Variants in ANXA2 observed in about 807,000 individuals in gnomAD.
ANXA2 encodes annexin A2.
In ANXA2, 28 loss-of-function variants were observed where a neutral mutation model predicts 47.3. The ratio of observed to expected loss-of-function variants is 0.59; its 90% CI spans 0.44 to 0.81. The LOEUF (loss-of-function observed/expected upper bound fraction) is 0.81. Among genes scored for constraint, ANXA2 ranks in the 40% least tolerant of loss-of-function variants. ANXA2 has a pLI of 0.00. For synonymous variants in ANXA2, 172 were observed against 155.5 expected (o/e 1.11, Z -0.79); for missense variants, 384 against 414.3 (o/e 0.93, Z 0.64).
At chr15:60,353,181 C>G (rs1469718403) in intron 8 of ANXA2, among the ~76,000 whole-genome samples, 1 of 152,170 alleles carries the variant, frequency 6.6e-6, no homozygotes, top group Non-Finnish European at 1.5e-5. Flanking sequence ...TTTTCTGCAG[C>G]TTTTATGACT....
intron 3 of ANXA2, among the ~76,000 whole-genome samples, chr15:60,381,747 C>G (rs1234540631): frequency 1.3e-5 from 2 of 151,980 alleles, no homozygotes; most frequent in African/African-American, 2.4e-5. Context: ...CTCTCTAGAT[C>G]AATCTAAGAG....
intron 5 of ANXA2, among the ~76,000 whole-genome samples, chr15:60,360,441 T>G (rs1329063418): frequency 1.3e-5 from 2 of 152,202 alleles, no homozygotes; most frequent in African/African-American, 4.8e-5. Context: ...CAGGTACGAT[T>G]CAGGTACGAT....
At chr15:60,379,148 GCACA>G (rs2062820785) in intron 3 of ANXA2, among the ~76,000 whole-genome samples, 1 of 149,942 alleles carries the variant, frequency 6.7e-6, no homozygotes, top group Non-Finnish European at 1.5e-5. Context: ...GTGTGGTGGC[GCACA>G]CCTGTAATCC....
Position 60,390,555 on chromosome 15 carries a change from A to C in ANXA2, c.-11-4469T>G. 27 of 448,644 alleles carry C rather than the reference A, an allele frequency of 6.0e-5. 1 individual carries two copies. Among genetic ancestry groups the C allele is most frequent in the South Asian group, 4.6e-4 (26 of 56,768 alleles). The allele number at this position is 448,644 out of a possible 1,614,324, so 27.8% of individuals were successfully genotyped here. On this transcript the variant is annotated intron_variant, in intron 1 of 12. Coordinates refer to ENST00000451270, the MANE Select transcript of ANXA2 (RefSeq NM_004039.3). ...TGGAAAACGGGTAAAATTACAAAGG[A>C]GGTTGTGCTGAGGCTTGAGTGTGCT... is the stretch of plus-strand genomic sequence containing the variant.
intron 3 of ANXA2, among the ~76,000 whole-genome samples, chr15:60,376,374 C>A (rs1386359451): frequency 6.6e-6 from 1 of 150,928 alleles, no homozygotes; most frequent in Non-Finnish European, 1.5e-5. Context: ...GAGCAAAACT[C>A]TGTCTCAAAA....
intron 5 of ANXA2, among the ~76,000 whole-genome samples, chr15:60,360,489 T>C (rs1250009633): frequency 1.3e-5 from 2 of 152,216 alleles, no homozygotes; most frequent in Non-Finnish European, 2.9e-5. Context: ...CACTATGATG[T>C]TCTGATTCTG....
intron 3 of ANXA2, among the ~76,000 whole-genome samples, chr15:60,367,934 G>A (rs1048852763): frequency 2.8e-5 from 2 of 72,566 alleles, no homozygotes; most frequent in Non-Finnish European, 2.7e-5. Context: ...GATAGAAGTA[G>A]ACATGGGAGA....
chr15:60,369,444 A>G (rs780289751), intron 3 of ANXA2, among the ~76,000 whole-genome samples: 1 of 152,246 alleles, frequency 6.6e-6, no homozygotes, highest in Admixed American at 6.5e-5. Flanking sequence ...ATACAATTCT[A>G]TCCTCTAACC....
intron 1 of ANXA2, among the ~76,000 whole-genome samples, chr15:60,388,085 G>A (rs546275212): frequency 1.3e-5 from 2 of 152,130 alleles, no homozygotes; most frequent in African/African-American, 4.8e-5. Context: ...CTACTCGGGA[G>A]GCTGAGACAG....
chr15:60,363,014 A>G (rs1288101027), intron 4 of ANXA2: 1 of 117,688 alleles, frequency 8.5e-6, no homozygotes, highest in African/African-American at 3.2e-5. Context: ...TGGGTGACAG[A>G]GCAAGACCCT....
chr15:60,396,943 T>C (rs1404760117), intron 1 of ANXA2, among the ~76,000 whole-genome samples: 1 of 152,242 alleles, frequency 6.6e-6, no homozygotes, highest in Non-Finnish European at 1.5e-5. Flanking sequence ...ACTTTGTTTT[T>C]TGTGTACTTT....
chr15:60,390,531 G>T, intron 1 of ANXA2: 1 of 470,546 alleles, frequency 2.1e-6, no homozygotes, highest in South Asian at 1.6e-5. Context: ...GCAATTTTCT[G>T]GAAAACGGGT....
chr15:60,382,228 A>C, intron 3 of ANXA2, 114 bp downstream of exon 3: 1 of 747,770 alleles, frequency 1.3e-6, no homozygotes, highest in Non-Finnish European at 2.4e-6. Context: ...TACTCCATTA[A>C]AGCTCGATGA....
Position 60,352,808 on chromosome 15 carries a change from C to T in ANXA2, c.589-332G>A, listed in dbSNP as rs143311063. Among the ~76,000 whole-genome samples, 58 of 152,272 alleles carry T rather than the reference C, an allele frequency of 3.8e-4. No homozygotes were observed. Among genetic ancestry groups the T allele is most frequent in the African/African-American group, 1.4e-3 (58 of 41,570 alleles). ...ATGTTCATTAACACATCTGGCCCTC[C>T]TCCCTTTGGGCACATTTAGGGGCAG... On this transcript the variant is annotated intron_variant, in intron 8 of 12. Transcript: ENST00000451270. The surrounding 1 kb of genome is among the most constrained non-coding windows in gnomAD (Gnocchi z 4.2).
rs2140910944 is a variant in ANXA2 at position 60,382,304 on chromosome 15, T to C, written c.148+38A>G. 2.6e-6 allele frequency: 4 copies of C among 1,525,422 alleles called. 1 individual carries two copies. The South Asian group carries it at 4.5e-5, about 17-fold the overall frequency. The allele number at this position is 1,525,422 out of a possible 1,614,324, so 94.5% of individuals were successfully genotyped here. On this transcript the variant is annotated intron_variant, in intron 3 of 12. Coordinates refer to ENST00000451270, the MANE Select transcript of ANXA2 (RefSeq NM_004039.3). ...AAAGAGACAACCAAAAATGTCTCAG[T>C]AAGACCCTGACAAGAAGAGGACAAA...
At chr15:60,378,563 A>T (rs945596394) in intron 3 of ANXA2, among the ~76,000 whole-genome samples, 4 of 152,180 alleles carry the variant, frequency 2.6e-5, no homozygotes, top group African/African-American at 4.8e-5. Flanking sequence ...CTTTCTTCGC[A>T]ATAGTTCCTA....
At chr15:60,364,666 ATC>A (rs763140178) in intron 3 of ANXA2, 143 bp from the exon 4 acceptor site, 1 of 602,504 alleles carries the variant, frequency 1.7e-6, no homozygotes. Flanking sequence ...GATTTGTTCT[ATC>A]TCTTTCGTCA....
chr15:60,382,000 G>C (rs545889415), intron 3 of ANXA2, among the ~76,000 whole-genome samples: 1 of 145,564 alleles, frequency 6.9e-6, no homozygotes, highest in Non-Finnish European at 1.5e-5. Context: ...GAGAAGAAAC[G>C]GGGGGTGGGG....
intron 3 of ANXA2, among the ~76,000 whole-genome samples, chr15:60,375,819 T>C (rs1289603876): frequency 6.6e-6 from 1 of 152,178 alleles, no homozygotes; most frequent in African/African-American, 2.4e-5. Context: ...ATAAGCACAA[T>C]AAACGAGTAT....
Sources: allele counts gnomAD v4.1 joint callset (sites outside exome capture counted in the v4.1 genomes callset), GRCh38; gene constraint gnomAD v4.1.1; non-coding constraint Gnocchi (gnomAD v3.1); transcripts MANE v1.5; gene names NCBI Gene and HGNC (gene_info 2026-07-23, HGNC 2026-07-21).